Variants in FRMPD4 observed in about 807,000 individuals in gnomAD.
FRMPD4 encodes FERM and PDZ domain-containing protein 4.
A neutral mutation model predicts 94.1 loss-of-function variants in FRMPD4; 22 were observed. The ratio of observed to expected loss-of-function variants is 0.23; its 90% CI spans 0.17 to 0.33. The LOEUF (loss-of-function observed/expected upper bound fraction) is 0.33, where lower values mean the gene tolerates loss of function less well. Among genes scored for constraint, FRMPD4 ranks in the 10% least tolerant of loss-of-function variants. The pLI is 1.00. For missense variants in FRMPD4, 1,111 were observed against 1,339.9 expected, an observed-to-expected ratio of 0.83 and a Z score of 2.67; for synonymous variants, 631 against 548.6, an observed-to-expected ratio of 1.15 and a Z score of -2.10.
intron 3 of FRMPD4, among the ~76,000 whole-genome samples, chrX:12,081,621 C>T (rs1399163181): frequency 9.0e-6 from 1 of 111,565 alleles, no homozygotes; most frequent in Non-Finnish European, 1.9e-5. Context: ...TTTTAGAATA[C>T]TAGTTTCTTC....
At chrX:12,243,841 C>G (rs995859576) in intron 1 of FRMPD4, among the ~76,000 whole-genome samples, 23 of 73,775 alleles carry the variant, frequency 3.1e-4, no homozygotes, top group African/African-American at 1.2e-3. Context: ...AAGCCCAGTT[C>G]TGTCGCCCAG....
At chrX:11,987,097 T>TCAAAAAAA (rs1569137639) in intron 3 of FRMPD4, among the ~76,000 whole-genome samples, 21 of 14,649 alleles carry the variant, frequency 1.4e-3, no homozygotes, top group African/African-American at 1.0e-2. Flanking sequence ...CAAAGACACA[T>TCAAAAAAA]TAAAAAAAAA....
At chrX:12,573,523 T>C (rs921136092) in intron 2 of FRMPD4, among the ~76,000 whole-genome samples, 1 of 112,257 alleles carries the variant, frequency 8.9e-6, no homozygotes, top group African/African-American at 3.2e-5. Context: ...TCATTTACAG[T>C]GGTAATATGG....
chrX:12,083,121 C>A (rs984761151), intron 3 of FRMPD4, among the ~76,000 whole-genome samples: 4 of 112,624 alleles, frequency 3.6e-5, no homozygotes, highest in Non-Finnish European at 5.6e-5. Flanking sequence ...ATGTGAGAGA[C>A]CTTCATGGCA....
intron 1 of FRMPD4, among the ~76,000 whole-genome samples, chrX:12,399,426 CAATGTGG>C (rs1420148888): frequency 9.0e-6 from 1 of 111,528 alleles, no homozygotes; most frequent in African/African-American, 3.3e-5. Flanking sequence ...GACCCTTGAA[CAATGTGG>C]AAGTTAGAGG....
At chrX:12,361,184 A>G (rs2055983984) in intron 1 of FRMPD4, among the ~76,000 whole-genome samples, 1 of 112,232 alleles carries the variant, frequency 8.9e-6, no homozygotes, top group Admixed American at 9.5e-5. Context: ...TATTTCTTGA[A>G]CTATGTCAGA....
intron 3 of FRMPD4, among the ~76,000 whole-genome samples, chrX:12,092,505 C>G (rs1175921253): frequency 9.0e-6 from 1 of 111,289 alleles, no homozygotes. Context: ...TCCCATTGTC[C>G]TGAAAGGAAG....
chrX:12,321,635 ATTGG>A lies in FRMPD4; in HGVS notation c.42-177044_42-177041del, dbSNP rs1200336733. Among the ~76,000 whole-genome samples, 4 of 112,006 alleles carry A rather than the reference ATTGG, an allele frequency of 3.6e-5. No individual in the cohort carries two copies. In the Admixed American group the frequency reaches 3.8e-4, roughly 11 times the overall value. On this transcript the variant is annotated intron_variant, in intron 1 of 16. Coordinates refer to ENST00000675598, the MANE Select transcript of FRMPD4 (RefSeq NM_001368397.1). ...GATATTTACAACTTACAATGCGTTT[ATTGG>A]GATCTAACCTCATTGTAAGTCTAAG...
At chrX:12,695,948 T>C (rs1202864514) in intron 9 of FRMPD4, among the ~76,000 whole-genome samples, 4 of 108,850 alleles carry the variant, frequency 3.7e-5, no homozygotes, top group Non-Finnish European at 7.6e-5. Flanking sequence ...GTTGGTCAGG[T>C]TGGTCTCGAA....
At chrX:11,837,014 T>C (rs749629018) in intron 1 of FRMPD4, among the ~76,000 whole-genome samples, 6 of 111,896 alleles carry the variant, frequency 5.4e-5, no homozygotes, top group Non-Finnish European at 1.1e-4. Flanking sequence ...TTGGAGCCAC[T>C]TTTCTGTTTT....
In FRMPD4 at chrX:12,718,351, C is replaced by T. The variant is rs764002122; in HGVS notation, c.3525C>T (p.Asp1175=). The T allele has an allele frequency of 2.5e-6, 3 of 1,211,918 alleles. No individual in the cohort carries two copies. Among genetic ancestry groups the T allele is most frequent in the South Asian group, 1.8e-5 (1 of 56,995 alleles). ...AGGACGCTGACTCGTCCACCTGCGA[C>T]CATCCTTCCAAGCTTCCTGAGGCTG... is the stretch of plus-strand genomic sequence containing the variant. ...NPEDADSSTC[D]HPSKLPEADE... The change falls in exon 16 of 17, where the codon GAC becomes GAT. Residue 1175 remains aspartate (D), a synonymous_variant. Transcript: ENST00000675598.
At chrX:12,447,425 A>G (rs1170679247) in intron 1 of FRMPD4, among the ~76,000 whole-genome samples, 1 of 111,945 alleles carries the variant, frequency 8.9e-6, no homozygotes, top group Admixed American at 9.5e-5. Context: ...GTCTAAAGTA[A>G]TGAAGAGAAC....
chrX:12,363,774 A>G (rs2147995488), intron 1 of FRMPD4, among the ~76,000 whole-genome samples: 1 of 112,035 alleles, frequency 8.9e-6, no homozygotes, highest in Non-Finnish European at 1.9e-5. Flanking sequence ...GCGTGTGTGC[A>G]TTGTAAAGAA....
intron 1 of FRMPD4, among the ~76,000 whole-genome samples, chrX:12,166,531 G>T (rs2056121769): frequency 9.0e-6 from 1 of 111,315 alleles, no homozygotes; most frequent in South Asian, 3.8e-4. Context: ...TTGTGTCTCT[G>T]CCAGGCTTTG....
At chrX:12,448,757 G>GTGAT (rs1186785181) in intron 1 of FRMPD4, among the ~76,000 whole-genome samples, 1 of 112,268 alleles carries the variant, frequency 8.9e-6, no homozygotes, top group East Asian at 2.8e-4. Context: ...TTCAAATTAA[G>GTGAT]TGATATGTTG....
intron 2 of FRMPD4, among the ~76,000 whole-genome samples, chrX:12,526,287 G>T (rs1052368270): frequency 5.3e-5 from 6 of 112,498 alleles, no homozygotes; most frequent in Admixed American, 1.9e-4. Context: ...TCTGACATCA[G>T]CCATCATCTG....
At position 12,642,070 on chromosome X, in the gene FRMPD4, G is replaced by GA. The variant is rs148095310; in HGVS notation, c.422+27199dup. ...AGTGAAGAAACTAAAGTTCATAGAGGAAAAAAAAAAGTATACATTTAATAA... is the reference window on the plus strand; with the variant it reads ...AGTGAAGAAACTAAAGTTCATAGAGGAAAAAAAAAAAGTATACATTTAATAA... On this transcript the variant is annotated intron_variant, in intron 4 of 16. Coordinates refer to ENST00000675598, the MANE Select transcript of FRMPD4 (RefSeq NM_001368397.1). Among the ~76,000 whole-genome samples, 10 of 30,089 alleles carry GA rather than the reference G, an allele frequency of 3.3e-4. No individual in the cohort carries two copies. The East Asian group carries it at 4.1e-3, about 12-fold the overall frequency. 26.1% of individuals were successfully genotyped at this position (30,089 alleles called of 115,157 possible). A position where few individuals can be genotyped will look rare whatever the true frequency, so the allele number is the denominator to read the frequency against.
chrX:12,057,268 G>T (rs2054859588), intron 3 of FRMPD4, among the ~76,000 whole-genome samples: 1 of 111,333 alleles, frequency 9.0e-6, no homozygotes, highest in African/African-American at 3.3e-5. Flanking sequence ...TATTTCTCTT[G>T]TGTCATTTCT....
chrX:12,105,022 T>C (rs1355368322), intron 3 of FRMPD4, among the ~76,000 whole-genome samples: 1 of 111,441 alleles, frequency 9.0e-6, no homozygotes, highest in African/African-American at 3.3e-5. Context: ...TTCCATCACT[T>C]GACAAGCAGA....
Sources: gnomAD v4.1 joint callset for allele counts (sites outside exome capture counted in the v4.1 genomes callset) on GRCh38, gnomAD v4.1.1 for gene constraint, MANE v1.5 for transcripts, NCBI Gene and HGNC (gene_info 2026-07-23, HGNC 2026-07-21) for gene names.